TRABD2B: variants seen among roughly 807,000 people sequenced by gnomAD.
TRABD2B encodes TraB domain containing 2B.
Under a neutral mutation model 40.1 loss-of-function variants are expected in TRABD2B, and 14 were observed. That is an observed-to-expected ratio of 0.35 (90% confidence interval 0.23 to 0.55). The LOEUF (loss-of-function observed/expected upper bound fraction) is 0.55. Ranked by LOEUF, TRABD2B falls within the 20% of genes least tolerant of loss-of-function variation. The pLI, the probability that TRABD2B is intolerant of heterozygous loss-of-function variation, is 0.90. For synonymous variants in TRABD2B, 263 were observed against 277.0 expected (o/e 0.95, Z 0.50); for missense variants, 541 against 648.6 (o/e 0.83, Z 1.80).
At position 47,760,591 on chromosome 1, in the gene TRABD2B, T is replaced by C. The variant is rs1484273341; in HGVS notation, c.*5311A>G. ...AAAAATATTTTTGGCAAAATAACAT[T>C]AATAGCATCTTTCTTTGTCTTCTAT... is the stretch of plus-strand genomic sequence containing the variant. On this transcript the variant is annotated 3_prime_UTR_variant, in exon 7 of 7. Coordinates refer to ENST00000606738, the MANE Select transcript of TRABD2B (RefSeq NM_001194986.2). The C allele has an allele frequency of 6.6e-6, 1 of 151,692 alleles. No homozygotes were observed. The highest frequency in any genetic ancestry group is 1.5e-5 in the Non-Finnish European group (1 of 68,048). The allele number at this position is 151,692 out of a possible 1,614,324, so 9.4% of individuals were successfully genotyped here. A position where few individuals can be genotyped will look rare whatever the true frequency, so the allele number is the denominator to read the frequency against.
Position 47,996,133 on chromosome 1 carries a change from G to C in TRABD2B, c.102+555C>G, listed in dbSNP as rs1036862243. ...AATCTTCCCTCTTTTCACGAAATAT[G>C]GACGCTTGGGAGAGTAGGTGGTGGG... is the stretch of plus-strand genomic sequence containing the variant. On this transcript the variant is annotated intron_variant, in intron 1 of 6. Transcript: ENST00000606738. This position sits in a 1 kb window ranked among gnomAD's most constrained non-coding sequence, Gnocchi z 4.6. Among the ~76,000 whole-genome samples, 1 of 152,102 alleles carries C rather than the reference G, an allele frequency of 6.6e-6. No homozygotes were observed. The highest frequency in any genetic ancestry group is 2.4e-5 in the African/African-American group (1 of 41,418).
chr1:47,953,258 G>C lies in TRABD2B; in HGVS notation c.666+40776C>G, dbSNP rs7518820. On this transcript the variant is annotated intron_variant, in intron 2 of 6. Coordinates refer to ENST00000606738, the MANE Select transcript of TRABD2B (RefSeq NM_001194986.2). ...GTGGGGCAACTTTGAGAAAGAACCAGCTTTTTGAGAGAAATCAGGACAGCA... is the reference window on the plus strand; with the variant it reads ...GTGGGGCAACTTTGAGAAAGAACCACCTTTTTGAGAGAAATCAGGACAGCA... Among the ~76,000 whole-genome samples the C allele has an allele frequency of 8.4e-3, 1,272 of 152,282 alleles. 15 individuals carry two copies. Among genetic ancestry groups the C allele is most frequent in the Middle Eastern group, 0.034 (10 of 294 alleles).
intron 2 of TRABD2B, among the ~76,000 whole-genome samples, chr1:47,972,863 C>T (rs1017463260): frequency 1.3e-5 from 2 of 152,164 alleles, no homozygotes; most frequent in Non-Finnish European, 2.9e-5. Flanking sequence ...TGTCCATCTC[C>T]AGGGAGCCCT....
chr1:47,983,200 A>G (rs1645866356), intron 2 of TRABD2B, among the ~76,000 whole-genome samples: 3 of 152,206 alleles, frequency 2.0e-5, no homozygotes, highest in Admixed American at 2.0e-4. Flanking sequence ...TGGAGCTAGA[A>G]GCTATTACCC....
At chr1:47,969,932 G>A (rs1044543733) in intron 2 of TRABD2B, among the ~76,000 whole-genome samples, 1 of 151,954 alleles carries the variant, frequency 6.6e-6, no homozygotes, top group Non-Finnish European at 1.5e-5. Flanking sequence ...CTCCCCCACC[G>A]CTCCTCACTC....
chr1:47,919,880 G>A (rs543174145), intron 2 of TRABD2B, among the ~76,000 whole-genome samples: 37 of 152,296 alleles, frequency 2.4e-4, no homozygotes, highest in Non-Finnish European at 5.0e-4. Flanking sequence ...GAAAGAGAGG[G>A]AGGATGTAAA....
In TRABD2B at chr1:47,804,318, CCT is replaced by C. The variant is rs1644862497; in HGVS notation, c.667-2701_667-2700del. On this transcript the variant is annotated intron_variant, in intron 2 of 6. Coordinates refer to ENST00000606738, the MANE Select transcript of TRABD2B (RefSeq NM_001194986.2). The stretch of plus-strand genomic sequence containing the variant: ...GGGATGGATCACAGGAGGCAGTGGC[CCT>C]GTTGCTGTGGGCATTGCTAAGGCAA... Among the ~76,000 whole-genome samples, 6 of 152,340 alleles carry C rather than the reference CCT, an allele frequency of 3.9e-5. No homozygotes were observed. The South Asian group carries it at 1.2e-3, about 32-fold the overall frequency.
intron 2 of TRABD2B, among the ~76,000 whole-genome samples, chr1:47,901,248 G>C (rs1446382928): frequency 6.6e-6 from 1 of 152,190 alleles, no homozygotes; most frequent in African/African-American, 2.4e-5. Context: ...AGTGGCACTT[G>C]GAACAAGTTC....
intron 2 of TRABD2B, among the ~76,000 whole-genome samples, chr1:47,931,149 A>C (rs1245473608): frequency 6.6e-6 from 1 of 152,234 alleles, no homozygotes; most frequent in Non-Finnish European, 1.5e-5. Flanking sequence ...GGAATAAATG[A>C]ATGAGCTAAC....
chr1:47,992,557 G>A (rs1646027341), intron 2 of TRABD2B, among the ~76,000 whole-genome samples: 2 of 152,188 alleles, frequency 1.3e-5, no homozygotes, highest in Admixed American at 6.5e-5. Context: ...AGATATCGAG[G>A]CCAGACCTAG....
intron 2 of TRABD2B, among the ~76,000 whole-genome samples, chr1:47,852,929 C>A (rs1016786299): frequency 5.9e-5 from 9 of 151,690 alleles, no homozygotes; most frequent in African/African-American, 1.7e-4. Flanking sequence ...GAAGGCCCAG[C>A]TGAGTTCTCA....
chr1:47,775,593 C>T lies in TRABD2B; in HGVS notation c.1080-154G>A, dbSNP rs137871153. Reference sequence around the variant, plus strand: ...CGGTGACAGCAGCCCAGGAAAACCTCGTCTGGTGCTGAAAGCCAGTGCTTT... The same window carrying T: ...CGGTGACAGCAGCCCAGGAAAACCTTGTCTGGTGCTGAAAGCCAGTGCTTT... On this transcript the variant is annotated intron_variant, in intron 5 of 6. Coordinates refer to ENST00000606738, the MANE Select transcript of TRABD2B (RefSeq NM_001194986.2). Among the ~76,000 whole-genome samples the T allele has an allele frequency of 4.2e-3, 636 of 152,352 alleles. 6 individuals carry two copies. The highest frequency in any genetic ancestry group is 0.014 in the African/African-American group (578 of 41,578).
intron 2 of TRABD2B, among the ~76,000 whole-genome samples, chr1:47,975,908 A>C (rs1295408704): frequency 3.3e-5 from 5 of 152,190 alleles, no homozygotes; most frequent in Non-Finnish European, 7.3e-5. Flanking sequence ...GACAGAGGGC[A>C]CCCCAGGGTA....
intron 2 of TRABD2B, among the ~76,000 whole-genome samples, chr1:47,956,975 C>G (rs1049033473): frequency 6.6e-6 from 1 of 152,214 alleles, no homozygotes; most frequent in African/African-American, 2.4e-5. Flanking sequence ...TGACTGACAC[C>G]TCATACAACC....
At chr1:47,958,692 A>G (rs1284365351) in intron 2 of TRABD2B, among the ~76,000 whole-genome samples, 1 of 152,232 alleles carries the variant, frequency 6.6e-6, no homozygotes, top group African/African-American at 2.4e-5. Context: ...CCAATACAGG[A>G]GCACCCAGAT....
chr1:47,782,862 GGGCTCAGCCTGCAA>G (rs1368875770), intron 4 of TRABD2B, among the ~76,000 whole-genome samples: 7 of 152,208 alleles, frequency 4.6e-5, no homozygotes, highest in South Asian at 4.1e-4. Context: ...CACGATGTTG[GGGCTCAGCCTGCAA>G]GGCTTGCCCA....
At chr1:47,807,464 T>G (rs1644907622) in intron 2 of TRABD2B, among the ~76,000 whole-genome samples, 1 of 152,192 alleles carries the variant, frequency 6.6e-6, no homozygotes, top group Non-Finnish European at 1.5e-5. Context: ...GCCGCCAGGT[T>G]AAGAACCATG....
chr1:47,806,491 A>C (rs1200229762), intron 2 of TRABD2B, among the ~76,000 whole-genome samples: 1 of 152,168 alleles, frequency 6.6e-6, no homozygotes, highest in Non-Finnish European at 1.5e-5. Flanking sequence ...CTCTAGGATA[A>C]TGTTTATGAT....
intron 6 of TRABD2B, among the ~76,000 whole-genome samples, chr1:47,770,793 T>G (rs1480002924): frequency 6.6e-6 from 1 of 152,224 alleles, no homozygotes; most frequent in Admixed American, 6.5e-5. Flanking sequence ...AATGCCTCAT[T>G]TAAGGGTTTG....
Sources: allele counts gnomAD v4.1 joint callset (sites outside exome capture counted in the v4.1 genomes callset), GRCh38; gene constraint gnomAD v4.1.1; non-coding constraint Gnocchi (gnomAD v3.1); transcripts MANE v1.5; gene names NCBI Gene and HGNC (gene_info 2026-07-23, HGNC 2026-07-21).